AGXT2: variants seen among roughly 807,000 people sequenced by gnomAD.
AGXT2 encodes alanine--glyoxylate aminotransferase 2.
AGXT2 carries 61 observed loss-of-function variants against 62.5 expected under a neutral mutation model. That is an observed-to-expected ratio of 0.98 (90% CI 0.79 to 1.21). The LOEUF is 1.21. Among genes scored for constraint, AGXT2 ranks in the 50% most tolerant of loss-of-function variants. The pLI, the probability that AGXT2 is intolerant of heterozygous loss-of-function variation, is 0.00. For missense variants in AGXT2, 666 were observed against 641.5 expected (o/e 1.04, Z -0.41); for synonymous variants, 243 against 218.7 (o/e 1.11, Z -0.98).
At position 35,027,101 on chromosome 5, in the gene AGXT2, C is replaced by T. The variant is rs896966235; in HGVS notation, c.770-591G>A. On this transcript the variant is annotated intron_variant, in intron 7 of 13. Coordinates refer to ENST00000231420, the MANE Select transcript of AGXT2 (RefSeq NM_031900.4). Reference sequence around the variant, plus strand: ...TGCTTGTTTTTAACAGGACTTTCTCCGATTAATCAGGAGGTTTTTGTGGGC... The same window carrying T: ...TGCTTGTTTTTAACAGGACTTTCTCTGATTAATCAGGAGGTTTTTGTGGGC... 2.2e-5 allele frequency: 17 copies of T among 776,782 alleles called. No homozygotes were observed. In the South Asian group the frequency reaches 2.9e-4, roughly 13 times the overall value. The allele number at this position is 776,782 out of a possible 1,614,324, so 48.1% of individuals were successfully genotyped here.
intron 11 of AGXT2, among the ~76,000 whole-genome samples, chr5:35,011,305 C>T (rs1391539919): frequency 6.6e-6 from 1 of 151,912 alleles, no homozygotes; most frequent in Non-Finnish European, 1.5e-5. Context: ...ACTAAAAATA[C>T]AAAAGTTAGT....
rs141028829 is a variant in AGXT2 at position 35,011,644 on chromosome 5, C to T, written c.1188+1310G>A. The stretch of plus-strand genomic sequence containing the variant: ...GGAATAGGTAAATCAAGTTCATGGT[C>T]GAAAATCAGTGAGTGTAACTGCTAG... On this transcript the variant is annotated intron_variant, in intron 11 of 13. Transcript: ENST00000231420. Among the ~76,000 whole-genome samples, 496 of 151,848 alleles carry T rather than the reference C, an allele frequency of 3.3e-3. 5 individuals carry two copies. The highest frequency in any genetic ancestry group is 0.011 in the African/African-American group (473 of 41,394).
At chr5:35,010,527 A>AT (rs770844742) in intron 11 of AGXT2, among the ~76,000 whole-genome samples, 3 of 151,960 alleles carry the variant, frequency 2.0e-5, no homozygotes, top group Non-Finnish European at 2.9e-5. Context: ...TAAAAAAAAA[A>AT]TACAAAAATT....
chr5:35,012,096 G>T (rs992729399), intron 11 of AGXT2, among the ~76,000 whole-genome samples: 1 of 152,050 alleles, frequency 6.6e-6, no homozygotes, highest in Non-Finnish European at 1.5e-5. Flanking sequence ...AGCTGGGAGG[G>T]GGGTGAGGGA....
rs374860518 is a variant in AGXT2, at chr5:35,033,996, T to C, written c.582-443A>G. Among the ~76,000 whole-genome samples the C allele has an allele frequency of 2.2e-3, 341 of 152,282 alleles. 1 individual carries two copies. Among genetic ancestry groups the C allele is most frequent in the African/African-American group, 7.7e-3 (320 of 41,568 alleles). ...CTTATAAATCACCTTATTCTCCATC[T>C]AAGAAACACAGGTTTTGTTTCTTTT... On this transcript the variant is annotated intron_variant, in intron 5 of 13. Coordinates refer to ENST00000231420, the MANE Select transcript of AGXT2 (RefSeq NM_031900.4).
intron 9 of AGXT2, among the ~76,000 whole-genome samples, chr5:35,022,153 G>A (rs13187164): frequency 0.3 from 45,237 of 151,816 alleles, 7,371 homozygotes; most frequent in Non-Finnish European, 0.37. Flanking sequence ...AACCATTGTG[G>A]AAGTCAGTGT....
rs1478393476 is a variant in AGXT2, at chr5:34,998,482, T to C, written c.*237A>G. On this transcript the variant is annotated 3_prime_UTR_variant, in exon 14 of 14. Transcript: ENST00000231420. ...TCAAATTACCATACCTAACATAAAC[T>C]AATTAGGATTTATTCTCTGAGCTAG... 8.7e-6 allele frequency: 5 copies of C among 575,508 alleles called. No individual in the cohort carries two copies. The highest frequency in any genetic ancestry group is 1.5e-5 in the Non-Finnish European group (5 of 323,150). 35.7% of individuals were successfully genotyped at this position (575,508 alleles called of 1,614,324 possible). A position where few individuals can be genotyped will look rare whatever the true frequency, so the allele number is the denominator to read the frequency against.
At chr5:35,022,643 C>T (rs1378269910) in intron 9 of AGXT2, among the ~76,000 whole-genome samples, 3 of 150,554 alleles carry the variant, frequency 2.0e-5, no homozygotes, top group Non-Finnish European at 2.9e-5. Context: ...TTAGTGGGTG[C>T]AGCGCACCAG....
intron 7 of AGXT2, 21 bp from the exon 8 acceptor site, chr5:35,026,531 A>C: frequency 6.3e-7 from 1 of 1,591,412 alleles, no homozygotes; most frequent in Non-Finnish European, 8.6e-7. Context: ...CAAACAACAA[A>C]ACAAAACAAA....
chr5:35,011,887 G>A (rs1766654112), intron 11 of AGXT2, among the ~76,000 whole-genome samples: 2 of 149,098 alleles, frequency 1.3e-5, no homozygotes, highest in Admixed American at 1.4e-4. Flanking sequence ...CCCATCAATT[G>A]ATGAGTGGAT....
In AGXT2 at chr5:35,013,051, G is replaced by T; in HGVS notation, c.1097-6C>A. 6.4e-7 allele frequency: 1 copy of T among 1,551,314 alleles called. No homozygotes were observed. The highest frequency in any genetic ancestry group is 8.7e-7 in the Non-Finnish European group (1 of 1,146,690). On this transcript the variant is annotated splice_polypyrimidine_tract_variant and splice_region_variant and intron_variant, in intron 10 of 13. Coordinates refer to ENST00000231420, the MANE Select transcript of AGXT2 (RefSeq NM_031900.4). ...CGCCAAAGATTTGGCAATCTCTAGAGGGAGAAAATAGAAGGTGTGGAAAGA... is the reference window on the plus strand; with the variant it reads ...CGCCAAAGATTTGGCAATCTCTAGATGGAGAAAATAGAAGGTGTGGAAAGA...
chr5:35,038,790 A>G (rs1767874824), intron 3 of AGXT2, among the ~76,000 whole-genome samples: 1 of 152,244 alleles, frequency 6.6e-6, no homozygotes, highest in Non-Finnish European at 1.5e-5. Flanking sequence ...GTGGGCGAGT[A>G]TACCGTCAAC....
At chr5:35,041,393 ATC>A (rs1767986830) in intron 1 of AGXT2, among the ~76,000 whole-genome samples, 1 of 151,974 alleles carries the variant, frequency 6.6e-6, no homozygotes, top group African/African-American at 2.4e-5. Flanking sequence ...TGGTAAATTA[ATC>A]TGTTTAAGGT....
At chr5:35,005,247 G>T (rs1766378917) in intron 12 of AGXT2, among the ~76,000 whole-genome samples, 1 of 152,096 alleles carries the variant, frequency 6.6e-6, no homozygotes, top group Non-Finnish European at 1.5e-5. Context: ...TTTGTTTTCT[G>T]AGTCAGAGTC....
chr5:35,024,628 G>A (rs1335751356), intron 9 of AGXT2, among the ~76,000 whole-genome samples: 1 of 152,090 alleles, frequency 6.6e-6, no homozygotes, highest in Non-Finnish European at 1.5e-5. Context: ...ACCTGCAGTT[G>A]GTGGTACTCC....
intron 9 of AGXT2, among the ~76,000 whole-genome samples, chr5:35,015,514 G>A (rs1210765276): frequency 1.3e-5 from 2 of 152,084 alleles, no homozygotes; most frequent in African/African-American, 4.8e-5. Context: ...TGGGGGTTAG[G>A]GATGTGGGCA....
chr5:35,030,369 G>A (rs1174972121), intron 7 of AGXT2, among the ~76,000 whole-genome samples: 7 of 152,142 alleles, frequency 4.6e-5, no homozygotes, highest in South Asian at 2.1e-4. Context: ...TTAGCTGGGC[G>A]TGGTGGCAGG....
chr5:35,014,103 C>G lies in AGXT2; in HGVS notation c.980G>C (p.Gly327Ala). The part of the protein sequence containing the change: ...CIADEVQTGF[G>A]RLGSHFWGFQ... The stretch of plus-strand genomic sequence containing the variant: ...GCCCCAGAAGTGAGAGCCCAACCTT[C>G]CAAATCCTGTCTGCACCTGGGAAAA... Residue 327 changes from glycine to alanine, a missense_variant, in exon 10 of 14, where the codon GGA (glycine) becomes GCA (alanine). Gly to Ala is a moderately conservative substitution (Grantham distance 60). Coordinates refer to ENST00000231420, the MANE Select transcript of AGXT2 (RefSeq NM_031900.4). 1 of 1,614,100 alleles carries G rather than the reference C, an allele frequency of 6.2e-7. No homozygotes were observed. Among genetic ancestry groups the G allele is most frequent in the Non-Finnish European group, 8.5e-7 (1 of 1,180,010 alleles).
intron 9 of AGXT2, among the ~76,000 whole-genome samples, chr5:35,025,320 T>A (rs1019608417): frequency 2.0e-5 from 3 of 152,316 alleles, no homozygotes; most frequent in Admixed American, 1.3e-4. Context: ...GAGGTTGCGG[T>A]GAGTCGAGAT....
Sources: gnomAD v4.1 joint callset for allele counts (sites outside exome capture counted in the v4.1 genomes callset) on GRCh38, gnomAD v4.1.1 for gene constraint, MANE v1.5 for transcripts, NCBI Gene and HGNC (gene_info 2026-07-23, HGNC 2026-07-21) for gene names.